GATAD2A: variants seen among roughly 807,000 people sequenced by gnomAD.
GATAD2A encodes the protein transcriptional repressor p66-alpha.
A neutral mutation model predicts 68.5 loss-of-function variants in GATAD2A; 12 were observed. That is an observed-to-expected ratio of 0.18 (90% CI 0.11 to 0.28). The LOEUF (loss-of-function observed/expected upper bound fraction) is 0.28. GATAD2A is among the 10% of genes least tolerant of loss of function. The pLI, the probability that GATAD2A is intolerant of heterozygous loss-of-function variation, is 1.00. For missense variants in GATAD2A, 755 were observed against 868.5 expected (o/e 0.87, Z 1.64); for synonymous variants, 410 against 375.3 (o/e 1.09, Z -1.07).
chr19:19,426,671 TG>T, intron 1 of GATAD2A, among the ~76,000 whole-genome samples: 1 of 152,054 alleles, frequency 6.6e-6, no homozygotes, highest in East Asian at 1.9e-4. Flanking sequence ...CCCCTACCCC[TG>T]GCAAATTTTT....
chr19:19,434,334 A>G (rs2054083336), intron 1 of GATAD2A, among the ~76,000 whole-genome samples: 1 of 152,088 alleles, frequency 6.6e-6, no homozygotes. Flanking sequence ...AATGCTGCCC[A>G]TTGGGTTTCT....
chr19:19,441,936 A>G (rs1396786140), intron 1 of GATAD2A, among the ~76,000 whole-genome samples: 1 of 151,646 alleles, frequency 6.6e-6, no homozygotes, highest in Non-Finnish European at 1.5e-5. Context: ...ATCTCGGCTC[A>G]CCACAACCTT....
intron 1 of GATAD2A, among the ~76,000 whole-genome samples, chr19:19,398,392 CG>C (rs1425028444): frequency 1.3e-5 from 2 of 151,122 alleles, no homozygotes; most frequent in African/African-American, 2.4e-5. Context: ...TTAGTAGAGA[CG>C]GGGTTTCATG....
rs750710437 is a variant in GATAD2A at position 19,470,143 on chromosome 19, A to ATTT, written c.269+4538_269+4540dup. Among the ~76,000 whole-genome samples the ATTT allele has an allele frequency of 2.4e-3, 313 of 132,790 alleles. 9 individuals are homozygous for ATTT. Among genetic ancestry groups the ATTT allele is most frequent in the South Asian group, 0.013 (52 of 3,990 alleles). 87.1% of individuals were successfully genotyped at this position (132,790 alleles called of 152,430 possible). A position where few individuals can be genotyped will look rare whatever the true frequency, so the allele number is the denominator to read the frequency against. Reference sequence around the variant, plus strand: ...ATTACTAGAGCCAAACTGCGACTTTATTTTTTTTTTTGTTTTTTTTTTTTT... The same window carrying ATTT: ...ATTACTAGAGCCAAACTGCGACTTTATTTTTTTTTTTTTTGTTTTTTTTTTTTT... On this transcript the variant is annotated intron_variant, in intron 2 of 11. Transcript: ENST00000683918.
intron 2 of GATAD2A, among the ~76,000 whole-genome samples, chr19:19,490,455 C>T (rs908569059): frequency 9.9e-5 from 15 of 152,102 alleles, no homozygotes; most frequent in African/African-American, 2.9e-4. Flanking sequence ...TCAACCCTGC[C>T]GGGGTCTAAT....
chr19:19,492,406 G>T lies in GATAD2A; in HGVS notation c.370G>T (p.Ala124Ser), dbSNP rs745696766. 7 of 1,613,788 alleles carry T rather than the reference G, an allele frequency of 4.3e-6. No individual in the cohort carries two copies. In the Admixed American group the frequency reaches 6.7e-5, roughly 15 times the overall value. ...SPRVNGLTTV[A>S]LKETSTEALM... Reference sequence around the variant, plus strand: ...GAGAGTGAATGGGCTGACCACGGTGGCCTTGAAGGAGACTAGCACCGAGGC... The same window carrying T: ...GAGAGTGAATGGGCTGACCACGGTGTCCTTGAAGGAGACTAGCACCGAGGC... Residue 124 changes from alanine to serine, a missense_variant, in exon 3 of 12, where the codon GCC becomes TCC. Transcript: ENST00000683918.
At chr19:19,482,173 G>A (rs571616775) in intron 2 of GATAD2A, among the ~76,000 whole-genome samples, 47 of 152,212 alleles carry the variant, frequency 3.1e-4, no homozygotes, top group Non-Finnish European at 6.3e-4. Flanking sequence ...GGAGGCCGAG[G>A]TGGGCAGATC....
At chr19:19,436,187 T>C (rs1405781840) in intron 1 of GATAD2A, 4 of 1,366,188 alleles carry the variant, frequency 2.9e-6, no homozygotes, top group Non-Finnish European at 3.9e-6. Context: ...CATGGCCAAC[T>C]GGTAGGACCA....
chr19:19,429,474 T>TGGGCC (rs1665505823), intron 1 of GATAD2A, among the ~76,000 whole-genome samples: 1 of 151,906 alleles, frequency 6.6e-6, no homozygotes, highest in South Asian at 2.1e-4. Context: ...GCGGCTGAAG[T>TGGGCC]GGGCCGGGCC....
intron 1 of GATAD2A, 40 bp from the exon 2 acceptor site, chr19:19,465,300 G>T: frequency 6.6e-7 from 1 of 1,505,290 alleles, no homozygotes; most frequent in South Asian, 1.1e-5. Flanking sequence ...CACCTTCATT[G>T]CACCCAGTTA....
chr19:19,441,094 G>C (rs563301852), intron 1 of GATAD2A, among the ~76,000 whole-genome samples: 5 of 150,122 alleles, frequency 3.3e-5, no homozygotes, highest in African/African-American at 1.2e-4. Context: ...CCAGGCTGGA[G>C]TGCAGTGGTG....
chr19:19,391,705 G>T (rs2048855514), intron 1 of GATAD2A, among the ~76,000 whole-genome samples: 1 of 152,120 alleles, frequency 6.6e-6, no homozygotes, highest in South Asian at 2.1e-4. Context: ...ATTGATCTAG[G>T]TACATTTATT....
chr19:19,489,888 GCTGAAGC>G (rs1172032099), intron 2 of GATAD2A, among the ~76,000 whole-genome samples: 1 of 152,226 alleles, frequency 6.6e-6, no homozygotes, highest in African/African-American at 2.4e-5. Flanking sequence ...GCACCTCTGT[GCTGAAGC>G]CTTGGGACTG....
chr19:19,449,963 G>A (rs2056194583), intron 1 of GATAD2A, among the ~76,000 whole-genome samples: 1 of 151,176 alleles, frequency 6.6e-6, no homozygotes, highest in Non-Finnish European at 1.5e-5. Flanking sequence ...ATATTAAAAG[G>A]TTTTTTTGTA....
chr19:19,465,468 C>T lies in GATAD2A; in HGVS notation c.123C>T (p.Asn41=), dbSNP rs1568310731. 4 of 1,613,950 alleles carry T rather than the reference C, an allele frequency of 2.5e-6. No individual in the cohort carries two copies. The highest frequency in any genetic ancestry group is 1.3e-5 in the African/African-American group (1 of 75,064). The part of the protein sequence containing the change: ...MERGLLASDL[N]TDGDMRVTPE... Reference sequence around the variant, plus strand: ...GAGGATTGTTGGCTTCAGATTTAAACACTGACGGAGACATGAGGGTGACAC... The same window carrying T: ...GAGGATTGTTGGCTTCAGATTTAAATACTGACGGAGACATGAGGGTGACAC... The change falls in exon 2 of 12, where the codon AAC becomes AAT. Residue 41 remains asparagine (N), a synonymous_variant. Coordinates refer to ENST00000683918, the MANE Select transcript of GATAD2A (RefSeq NM_001384528.1).
intron 1 of GATAD2A, among the ~76,000 whole-genome samples, chr19:19,408,495 T>A (rs2147075444): frequency 6.6e-6 from 1 of 152,334 alleles, no homozygotes; most frequent in South Asian, 2.1e-4. Flanking sequence ...AGTTTTTCTT[T>A]TTTAGAAAAC....
intron 1 of GATAD2A, among the ~76,000 whole-genome samples, chr19:19,441,091 G>T (rs2055018867): frequency 1.3e-5 from 2 of 150,704 alleles, no homozygotes; most frequent in African/African-American, 4.9e-5. Flanking sequence ...CACCCAGGCT[G>T]GAGTGCAGTG....
At chr19:19,475,483 C>CT (rs923932215) in intron 2 of GATAD2A, among the ~76,000 whole-genome samples, 6 of 88,002 alleles carry the variant, frequency 6.8e-5, no homozygotes, top group South Asian at 3.1e-4. Context: ...CTCTCTGGAG[C>CT]CCCCCCCCCT....
chr19:19,409,718 T>G (rs1600035780), intron 1 of GATAD2A, among the ~76,000 whole-genome samples: 1 of 148,284 alleles, frequency 6.7e-6, no homozygotes, highest in Non-Finnish European at 1.5e-5. Flanking sequence ...TGCAGCGAGG[T>G]GGAAATAGTG....
Sources: allele counts gnomAD v4.1 joint callset (sites outside exome capture counted in the v4.1 genomes callset), GRCh38; gene constraint gnomAD v4.1.1; transcripts MANE v1.5; gene names NCBI Gene and HGNC (gene_info 2026-07-23, HGNC 2026-07-21).